Variants in SYT10 observed in about 807,000 individuals in gnomAD.
The protein encoded by SYT10 is synaptotagmin-10.
Under a neutral mutation model 51.1 loss-of-function variants are expected in SYT10, and 31 were observed. The ratio of observed to expected loss-of-function variants is 0.61; its 90% CI spans 0.46 to 0.82. SYT10 has a LOEUF of 0.82. Among genes scored for constraint, SYT10 ranks in the 40% least tolerant of loss-of-function variants. SYT10 has a pLI of 0.00. For synonymous variants in SYT10, 233 were observed against 225.9 expected (o/e 1.03, Z -0.28); for missense variants, 603 against 634.0 (o/e 0.95, Z 0.53).
At chr12:33,428,419 T>C (rs1478549625) in intron 1 of SYT10, among the ~76,000 whole-genome samples, 7 of 151,980 alleles carry the variant, frequency 4.6e-5, no homozygotes, top group African/African-American at 1.7e-4. Context: ...AAGAAAGATA[T>C]GCAAAAAAAT....
chr12:33,416,779 G>A (rs1324176410), intron 2 of SYT10, among the ~76,000 whole-genome samples: 1 of 152,096 alleles, frequency 6.6e-6, no homozygotes, highest in East Asian at 1.9e-4. Context: ...AGAAATAATG[G>A]CATGCTCTTG....
At chr12:33,436,348 A>G (rs10772084) in intron 1 of SYT10, among the ~76,000 whole-genome samples, 20,274 of 152,140 alleles carry the variant, frequency 0.13, 1,580 homozygotes, top group African/African-American at 0.19. Flanking sequence ...TTCGGGAGAA[A>G]GAGAGAATCC....
Position 33,375,771 on chromosome 12 carries a change from C to G in SYT10, c.*1059G>C, listed in dbSNP as rs1436925278. 6.6e-6 allele frequency: 1 copy of G among 152,532 alleles called. No homozygotes were observed. The highest frequency in any genetic ancestry group is 1.5e-5 in the Non-Finnish European group (1 of 67,976). 9.4% of individuals were successfully genotyped at this position (152,532 alleles called of 1,614,324 possible). A position where few individuals can be genotyped will look rare whatever the true frequency, so the allele number is the denominator to read the frequency against. On this transcript the variant is annotated 3_prime_UTR_variant, in exon 7 of 7. Transcript: ENST00000228567. ...TGTTGCTGAAAATAAATCATCCTTT[C>G]TTTAAGAAAATACTGAATTCCAATG... is the stretch of plus-strand genomic sequence containing the variant.
At chr12:33,410,043 T>C (rs1866392581) in intron 2 of SYT10, among the ~76,000 whole-genome samples, 1 of 152,184 alleles carries the variant, frequency 6.6e-6, no homozygotes. Context: ...AAGCTGGAAA[T>C]GTAGAACAAA....
At chr12:33,405,035 A>C (rs1866340531) in intron 3 of SYT10, 2 of 152,008 alleles carry the variant, frequency 1.3e-5, no homozygotes, top group Non-Finnish European at 2.9e-5. Context: ...AAAAATCACA[A>C]TCTCCTAGTC....
intron 3 of SYT10, among the ~76,000 whole-genome samples, chr12:33,400,715 C>T (rs767086900): frequency 9.9e-5 from 15 of 152,100 alleles, no homozygotes; most frequent in Non-Finnish European, 1.3e-4. Flanking sequence ...AGGAAAACTA[C>T]ATTTAAATAT....
intron 2 of SYT10, 34 bp downstream of exon 2, chr12:33,426,104 A>ACT: frequency 6.5e-7 from 1 of 1,538,252 alleles, no homozygotes; most frequent in Non-Finnish European, 8.7e-7. Context: ...ACACACGCAC[A>ACT]CACACCAGTT....
intron 3 of SYT10, among the ~76,000 whole-genome samples, chr12:33,395,682 T>C (rs1490608210): frequency 2.6e-5 from 4 of 152,230 alleles, no homozygotes; most frequent in African/African-American, 4.8e-5. Flanking sequence ...CATTGCTTAG[T>C]TCTCTATGCA....
intron 2 of SYT10, among the ~76,000 whole-genome samples, chr12:33,408,997 C>CAT (rs1323128677): frequency 6.6e-6 from 1 of 151,898 alleles, no homozygotes; most frequent in Admixed American, 6.6e-5. Flanking sequence ...TCCTTATCTC[C>CAT]ATATATTTTG....
chr12:33,399,671 A>C (rs1866285595), intron 3 of SYT10, among the ~76,000 whole-genome samples: 1 of 152,188 alleles, frequency 6.6e-6, no homozygotes, highest in Non-Finnish European at 1.5e-5. Context: ...AGTTAGGCAG[A>C]TGTTAAGGCC....
chr12:33,392,983 AT>A (rs1173794684), intron 3 of SYT10, among the ~76,000 whole-genome samples: 1 of 98,940 alleles, frequency 1.0e-5, no homozygotes, highest in Non-Finnish European at 2.1e-5. Flanking sequence ...GGTTTTTGCC[AT>A]TAAAAAAAAA....
At chr12:33,412,379 T>C (rs929032827) in intron 2 of SYT10, among the ~76,000 whole-genome samples, 1 of 151,290 alleles carries the variant, frequency 6.6e-6, no homozygotes, top group African/African-American at 2.4e-5. Flanking sequence ...ACTATTGCCA[T>C]GACAACACAG....
At chr12:33,439,156 G>T (rs935258722) in intron 1 of SYT10, among the ~76,000 whole-genome samples, 2 of 152,264 alleles carry the variant, frequency 1.3e-5, no homozygotes, top group African/African-American at 4.8e-5. Flanking sequence ...ACCAGAGAAT[G>T]GGAGAAGCCC....
chr12:33,398,014 G>C (rs1416758482), intron 3 of SYT10, among the ~76,000 whole-genome samples: 2 of 152,088 alleles, frequency 1.3e-5, no homozygotes, highest in East Asian at 3.9e-4. Context: ...AGAATAGGTA[G>C]AGTCAGAAAT....
Position 33,376,892 on chromosome 12 carries a change from G to C in SYT10, c.1510C>G (p.Arg504Gly). Residue 504 changes from arginine (R) to glycine (G), a missense_variant, in exon 7 of 7, where the codon CGG becomes GGG. Arg to Gly is a moderately radical substitution (Grantham distance 125). Coordinates refer to ENST00000228567, the MANE Select transcript of SYT10 (RefSeq NM_198992.4). ...HWHPLLELPG[R>G]ATSFDSQGSC... ...CCTTGACTATCAAAACTGGTCGCCCGGCCAGGTAACTGAAAGACAAAAATT... is the reference window on the plus strand; with the variant it reads ...CCTTGACTATCAAAACTGGTCGCCCCGCCAGGTAACTGAAAGACAAAAATT... The C allele has an allele frequency of 6.2e-7, 1 of 1,614,000 alleles. No individual in the cohort carries two copies. Among genetic ancestry groups the C allele is most frequent in the Non-Finnish European group, 8.5e-7 (1 of 1,179,970 alleles).
At chr12:33,412,431 T>G (rs1866414702) in intron 2 of SYT10, among the ~76,000 whole-genome samples, 1 of 151,906 alleles carries the variant, frequency 6.6e-6, no homozygotes, top group Admixed American at 6.6e-5. Flanking sequence ...TCTTTTAGAA[T>G]GACAGTGATT....
chr12:33,431,485 T>C (rs1723891232), intron 1 of SYT10, among the ~76,000 whole-genome samples: 2 of 152,310 alleles, frequency 1.3e-5, no homozygotes, highest in South Asian at 2.1e-4. Flanking sequence ...TTTAAATTTA[T>C]TGACCTTTGC....
At chr12:33,392,369 T>C (rs1008755194) in intron 3 of SYT10, among the ~76,000 whole-genome samples, 4 of 152,150 alleles carry the variant, frequency 2.6e-5, no homozygotes, top group African/African-American at 9.7e-5. Context: ...GTAATTAACA[T>C]TGTAACCCTT....
At chr12:33,413,373 C>T (rs1168229990) in intron 2 of SYT10, among the ~76,000 whole-genome samples, 30 of 152,092 alleles carry the variant, frequency 2.0e-4, no homozygotes, top group Non-Finnish European at 4.1e-4. Flanking sequence ...CTCCAAGACA[C>T]ATAATTGTCA....
Sources: gnomAD v4.1 joint callset for allele counts (sites outside exome capture counted in the v4.1 genomes callset) on GRCh38, gnomAD v4.1.1 for gene constraint, MANE v1.5 for transcripts, NCBI Gene and HGNC (gene_info 2026-07-23, HGNC 2026-07-21) for gene names.